FAM216B: variants seen among roughly 807,000 people sequenced by gnomAD.
FAM216B encodes the protein protein FAM216B.
A neutral mutation model predicts 12.9 loss-of-function variants in FAM216B; 11 were observed. The observed-to-expected ratio is 0.86, with a 90% confidence interval of 0.54 to 1.42. FAM216B has a LOEUF of 1.42. FAM216B is among the 40% of genes most tolerant of loss of function. The pLI, the probability that FAM216B is intolerant of heterozygous loss-of-function variation, is 0.00. For synonymous variants in FAM216B, 52 were observed against 57.2 expected, an observed-to-expected ratio of 0.91 and a Z score of 0.41; for missense variants, 167 against 162.9, an observed-to-expected ratio of 1.02 and a Z score of -0.14.
In FAM216B at chr13:42,784,173, CTT is replaced by C. The variant is rs71202236; in HGVS notation, c.99+26_99+27del. ...TGACACTTCCTTACTAAAGGTATGGCTTTTTTTTTTTTTTTTTTTTCACAGAT... is the reference window on the plus strand; with the variant it reads ...TGACACTTCCTTACTAAAGGTATGGCTTTTTTTTTTTTTTTTTTCACAGAT... On this transcript the variant is annotated splice_region_variant and intron_variant, in intron 2 of 3. Transcript: ENST00000313851. 11,948 of 742,616 alleles carry C rather than the reference CTT, an allele frequency of 0.016. No homozygotes were observed. Among genetic ancestry groups the C allele is most frequent in the East Asian group, 0.032 (893 of 28,286 alleles). 46.0% of individuals were successfully genotyped at this position (742,616 alleles called of 1,614,324 possible).
Position 42,786,845 on chromosome 13 carries a change from C to T in FAM216B, c.182C>T (p.Thr61Ile). 1.2e-6 allele frequency: 2 copies of T among 1,614,034 alleles called. No homozygotes were observed. The highest frequency in any genetic ancestry group is 1.7e-6 in the Non-Finnish European group (2 of 1,179,944). ...NSRPQWEALQ[T>I]RYIHSLQHQQ... ...AGGCCCCAGTGGGAGGCCCTGCAGA[C>T]CCGCTACATTCACAGCCTTCAGCAC... The change falls in exon 3 of 4, where the codon ACC (threonine) becomes ATC (isoleucine). Residue 61 changes from threonine (T) to isoleucine (I), a missense_variant. Transcript: ENST00000313851.
chr13:42,786,008 C>G (rs1397802528), intron 2 of FAM216B, among the ~76,000 whole-genome samples: 2 of 152,146 alleles, frequency 1.3e-5, no homozygotes, highest in African/African-American at 4.8e-5. Flanking sequence ...CTGTTGAGAG[C>G]CACTGCCTTA....
chr13:42,786,503 T>C (rs1874091872), intron 2 of FAM216B, among the ~76,000 whole-genome samples: 1 of 152,198 alleles, frequency 6.6e-6, no homozygotes, highest in Non-Finnish European at 1.5e-5. Context: ...AATCCTTAGA[T>C]GTCCCTCAGT....
At chr13:42,784,734 T>C (rs1260478953) in intron 2 of FAM216B, among the ~76,000 whole-genome samples, 4 of 149,510 alleles carry the variant, frequency 2.7e-5, no homozygotes, top group Admixed American at 2.0e-4. Context: ...CTCAGGAGGC[T>C]GAGGCAGGAG....
At position 42,789,124 on chromosome 13, in the gene FAM216B, C is replaced by T. The variant is rs1874212579; in HGVS notation, c.*334C>T. ...GACCAGAAAGGGCCAGGTCCTCTGT[C>T]ACTGGGTGACCATTTCTAGCAAACT... On this transcript the variant is annotated 3_prime_UTR_variant, in exon 4 of 4. Coordinates refer to ENST00000313851, the MANE Select transcript of FAM216B (RefSeq NM_001318932.2). The T allele has an allele frequency of 5.2e-6, 1 of 190,854 alleles. No individual in the cohort carries two copies. The highest frequency in any genetic ancestry group is 1.1e-5 in the Non-Finnish European group (1 of 91,366). 11.8% of individuals were successfully genotyped at this position (190,854 alleles called of 1,614,324 possible). A position where few individuals can be genotyped will look rare whatever the true frequency, so the allele number is the denominator to read the frequency against.
chr13:42,784,007 G>A, intron 1 of FAM216B, 47 bp from the exon 2 acceptor site: 1 of 1,277,100 alleles, frequency 7.8e-7, no homozygotes, highest in Non-Finnish European at 1.1e-6. Context: ...CCCCAAAATT[G>A]GTTGAGCTAA....
intron 2 of FAM216B, among the ~76,000 whole-genome samples, chr13:42,786,178 T>C (rs1380531681): frequency 1.3e-5 from 2 of 152,210 alleles, no homozygotes; most frequent in South Asian, 2.1e-4. Context: ...GGTTTCCAGA[T>C]GTTGTGTATG....
In FAM216B at chr13:42,786,784, C is replaced by T. The variant is rs200110453; in HGVS notation, c.121C>T (p.Arg41Cys). The T allele has an allele frequency of 2.7e-4, 437 of 1,614,046 alleles. No individual in the cohort carries two copies. Among genetic ancestry groups the T allele is most frequent in the Non-Finnish European group, 3.3e-4 (384 of 1,179,936 alleles). The change falls in exon 3 of 4, where the codon CGC (arginine) becomes TGC (cysteine). Residue 41 changes from arginine (R) to cysteine (C), a missense_variant. By Grantham distance (180) the Arg-to-Cys change is radical. Transcript: ENST00000313851. ...ACAGGCCCTCAACCAAGGGCAACAG[C>T]GCTACTTTTACAGCATTATGAGGAT... ...LLKALNQGQQRYFYSIMRIYN... is the reference protein window; with the variant it reads ...LLKALNQGQQCYFYSIMRIYN...
rs951761824 is a variant in FAM216B, at chr13:42,790,783, A to G, written c.*1993A>G. On this transcript the variant is annotated 3_prime_UTR_variant, in exon 4 of 4. Coordinates refer to ENST00000313851, the MANE Select transcript of FAM216B (RefSeq NM_001318932.2). Reference sequence around the variant, plus strand: ...TCACAATGTCAATATACATTATCAGAACTTAAGTCCTGGAGATCAGAGACT... The same window carrying G: ...TCACAATGTCAATATACATTATCAGGACTTAAGTCCTGGAGATCAGAGACT... The G allele has an allele frequency of 6.6e-6, 1 of 152,208 alleles. No homozygotes were observed. Among genetic ancestry groups the G allele is most frequent in the Non-Finnish European group, 1.5e-5 (1 of 68,032 alleles). The allele number at this position is 152,208 out of a possible 1,614,324, so 9.4% of individuals were successfully genotyped here. A position where few individuals can be genotyped will look rare whatever the true frequency, so the allele number is the denominator to read the frequency against.
intron 2 of FAM216B, 27 bp downstream of exon 2, chr13:42,784,193 T>TTTTTTTTC: frequency 7.1e-7 from 1 of 1,416,752 alleles, no homozygotes; most frequent in Non-Finnish European, 9.6e-7. Context: ...TTTTTTTTTT[T>TTTTTTTTC]CACAGATAGA....
intron 1 of FAM216B, among the ~76,000 whole-genome samples, chr13:42,783,084 G>C (rs1410046973): frequency 1.3e-5 from 2 of 152,106 alleles, no homozygotes; most frequent in Non-Finnish European, 2.9e-5. Flanking sequence ...CTGAGGTGCA[G>C]GATAACTTGA....
At chr13:42,782,061 TACTG>T (rs1414002942) in intron 1 of FAM216B, among the ~76,000 whole-genome samples, 4 of 152,222 alleles carry the variant, frequency 2.6e-5, no homozygotes, top group African/African-American at 9.6e-5. Flanking sequence ...AGGAAAGCAG[TACTG>T]ACTAAAATAT....
intron 3 of FAM216B, 53 bp downstream of exon 3, chr13:42,786,936 G>GT: frequency 6.3e-7 from 1 of 1,598,698 alleles, no homozygotes; most frequent in Non-Finnish European, 8.5e-7. Flanking sequence ...AACTCGTGCT[G>GT]TAGCCAGAAG....
intron 2 of FAM216B, among the ~76,000 whole-genome samples, chr13:42,784,894 C>T (rs1874025829): frequency 6.6e-6 from 1 of 151,580 alleles, no homozygotes; most frequent in African/African-American, 2.4e-5. Context: ...TCTCCCAAAC[C>T]CTCAAGGAAG....
chr13:42,787,030 G>T (rs1874120224), intron 3 of FAM216B, 147 bp downstream of exon 3: 3 of 1,269,992 alleles, frequency 2.4e-6, no homozygotes, highest in East Asian at 2.5e-5. Flanking sequence ...AAGTTTCAAA[G>T]TGCTTATTCT....
chr13:42,790,795 G>A lies in FAM216B; in HGVS notation c.*2005G>A, dbSNP rs73180068. On this transcript the variant is annotated 3_prime_UTR_variant, in exon 4 of 4. Coordinates refer to ENST00000313851, the MANE Select transcript of FAM216B (RefSeq NM_001318932.2). ...TATACATTATCAGAACTTAAGTCCT[G>A]GAGATCAGAGACTGTTTCACCTGAA... is the stretch of plus-strand genomic sequence containing the variant. The A allele has an allele frequency of 0.047, 7,208 of 152,208 alleles. 266 individuals carry two copies. Among genetic ancestry groups the A allele is most frequent in the Non-Finnish European group, 0.07 (4,782 of 68,016 alleles). 9.4% of individuals were successfully genotyped at this position (152,208 alleles called of 1,614,324 possible). A position where few individuals can be genotyped will look rare whatever the true frequency, so the allele number is the denominator to read the frequency against.
chr13:42,788,954 G>T lies in FAM216B; in HGVS notation c.*164G>T, dbSNP rs1310282010. On this transcript the variant is annotated 3_prime_UTR_variant, in exon 4 of 4. Transcript: ENST00000313851. ...TAAATTTTGCCAGCAAGACCAAGAG[G>T]TTTAAGAGCAATGGAGCCGAGAGTA... The T allele has an allele frequency of 1.6e-6, 1 of 643,888 alleles. No individual in the cohort carries two copies. The highest frequency in any genetic ancestry group is 2.5e-6 in the Non-Finnish European group (1 of 401,090). The allele number at this position is 643,888 out of a possible 1,614,324, so 39.9% of individuals were successfully genotyped here.
intron 2 of FAM216B, among the ~76,000 whole-genome samples, chr13:42,784,841 A>AAATG (rs887136131): frequency 6.7e-6 from 1 of 150,298 alleles, no homozygotes; most frequent in Non-Finnish European, 1.5e-5. Flanking sequence ...CTCAAAAAAT[A>AAATG]AATAAATAAA....
chr13:42,786,030 T>C (rs1005490005), intron 2 of FAM216B, among the ~76,000 whole-genome samples: 9 of 152,174 alleles, frequency 5.9e-5, no homozygotes, highest in East Asian at 1.9e-4. Flanking sequence ...ATAAAGACCT[T>C]TGGTGGCTCC....
Sources: gnomAD v4.1 joint callset for allele counts (sites outside exome capture counted in the v4.1 genomes callset) on GRCh38, gnomAD v4.1.1 for gene constraint, MANE v1.5 for transcripts, NCBI Gene and HGNC (gene_info 2026-07-23, HGNC 2026-07-21) for gene names.